NCOA4: variants seen among roughly 807,000 people sequenced by gnomAD.
NCOA4 encodes the protein nuclear receptor coactivator 4.
In NCOA4, 31 loss-of-function variants were observed where a neutral mutation model predicts 69.5. That is an observed-to-expected ratio of 0.45 (90% confidence interval 0.34 to 0.60). NCOA4 has a LOEUF of 0.60. Among genes scored for constraint, NCOA4 ranks in the 20% least tolerant of loss-of-function variants. The pLI, the probability that NCOA4 is intolerant of heterozygous loss-of-function variation, is 0.02. For synonymous variants in NCOA4, 228 were observed against 252.4 expected (o/e 0.90, Z 0.92); for missense variants, 600 against 719.2 (o/e 0.83, Z 1.90).
intron 1 of NCOA4, among the ~76,000 whole-genome samples, chr10:46,017,595 G>C (rs1839639784): frequency 6.6e-6 from 1 of 152,042 alleles, no homozygotes; most frequent in African/African-American, 2.4e-5. Context: ...GTTTTATATA[G>C]AGAGAATATA....
At chr10:46,012,098 A>AACG (rs1554921822) in intron 7 of NCOA4, among the ~76,000 whole-genome samples, 7 of 133,426 alleles carry the variant, frequency 5.2e-5, no homozygotes, top group African/African-American at 1.8e-4. Context: ...AAAAAAAAAA[A>AACG]AAAAACGAAA....
Position 46,010,365 on chromosome 10 carries a change from C to T in NCOA4, c.1556G>A (p.Gly519Asp). ...KEVPGTEDRA[G>D]KQKFKSPMNT... ...CATGGGGCTTTTAAACTTCTGTTTG[C>T]CAGCTCTGTCTTCAGTACCAGGCAC... The change falls in exon 8 of 10, where the codon GGC (glycine) becomes GAC (aspartate). Residue 519 changes from glycine (G) to aspartate (D), a missense_variant. Transcript: ENST00000581486. 6.2e-7 allele frequency: 1 copy of T among 1,614,120 alleles called. No individual in the cohort carries two copies. The highest frequency in any genetic ancestry group is 8.5e-7 in the Non-Finnish European group (1 of 1,180,026).
intron 7 of NCOA4, among the ~76,000 whole-genome samples, chr10:46,011,641 G>A (rs1333463015): frequency 2.6e-5 from 4 of 152,072 alleles, no homozygotes; most frequent in Non-Finnish European, 5.9e-5. Context: ...AAAGGCAAGG[G>A]ATTTCTCTAT....
chr10:46,011,032 C>T lies in NCOA4; in HGVS notation c.889G>A (p.Asp297Asn). 6.2e-7 allele frequency: 1 copy of T among 1,613,968 alleles called. No individual in the cohort carries two copies. Among genetic ancestry groups the T allele is most frequent in the South Asian group, 1.1e-5 (1 of 91,076 alleles). ...KVGDQELPDQ[D>N]EMDLSDWLVT... ...AGCCAATCTGATAGGTCCATCTCAT[C>T]TTGATCAGGAAGCTCTTGATCTCCA... The change falls in exon 8 of 10, where the codon GAT becomes AAT. Residue 297 changes from aspartate (D) to asparagine (N), a missense_variant. Physicochemically the swap from Asp to Asn is conservative, Grantham distance 23. Transcript: ENST00000581486.
At chr10:46,014,067 C>T (rs1467159247) in intron 5 of NCOA4, among the ~76,000 whole-genome samples, 1 of 151,992 alleles carries the variant, frequency 6.6e-6, no homozygotes, top group East Asian at 1.9e-4. Flanking sequence ...CTGTTTGTCG[C>T]CCAGGTTGGA....
intron 1 of NCOA4, among the ~76,000 whole-genome samples, chr10:46,018,548 A>G (rs1255756346): frequency 1.3e-5 from 2 of 152,232 alleles, no homozygotes; most frequent in Admixed American, 1.3e-4. Flanking sequence ...GACACTTAGA[A>G]AAGGGAGAGA....
At chr10:46,020,113 G>A (rs1839790100) in intron 1 of NCOA4, among the ~76,000 whole-genome samples, 2 of 152,230 alleles carry the variant, frequency 1.3e-5, no homozygotes, top group African/African-American at 4.8e-5. Context: ...GCCTAAGCCA[G>A]CTGTACGAAA....
At chr10:46,023,450 C>T in intron 1 of NCOA4, 1 of 985,700 alleles carries the variant, frequency 1.0e-6, no homozygotes, top group African/African-American at 1.7e-5. Flanking sequence ...CACACGGCAA[C>T]TCCAGTTCGC....
At chr10:46,016,734 A>G in intron 1 of NCOA4, 40 bp from the exon 2 acceptor site, 7 of 1,311,236 alleles carry the variant, frequency 5.3e-6, no homozygotes, top group African/African-American at 4.5e-5. Flanking sequence ...CACCATAATT[A>G]CAACCAAAAA....
chr10:46,027,299 G>GACTT (rs1206238484), intron 1 of NCOA4: 6 of 516,096 alleles, frequency 1.2e-5, no homozygotes, highest in Non-Finnish European at 1.6e-5. Flanking sequence ...GAATGATTAA[G>GACTT]ACTTAAGACT....
At chr10:46,019,600 C>T (rs1839756063) in intron 1 of NCOA4, 4 of 789,024 alleles carry the variant, frequency 5.1e-6, no homozygotes, top group Non-Finnish European at 6.1e-6. Flanking sequence ...GGGAGACAAA[C>T]TCAAATACAT....
At chr10:46,027,514 T>A (rs1564930414) in intron 1 of NCOA4, 1 of 1,540,332 alleles carries the variant, frequency 6.5e-7, no homozygotes. Context: ...GTTGAAGCAA[T>A]GTGTCCAGAC....
chr10:46,020,017 G>T (rs1839784789), intron 1 of NCOA4, among the ~76,000 whole-genome samples: 1 of 152,202 alleles, frequency 6.6e-6, no homozygotes, highest in Non-Finnish European at 1.5e-5. Flanking sequence ...CTATGCAAAG[G>T]CTTGCCCTCT....
Position 46,016,577 on chromosome 10 carries a change from A to G in NCOA4, c.104T>C (p.Leu35Pro). 1 of 1,558,810 alleles carries G rather than the reference A, an allele frequency of 6.4e-7. No individual in the cohort carries two copies. Among genetic ancestry groups the G allele is most frequent in the Non-Finnish European group, 8.7e-7 (1 of 1,145,982 alleles). Residue 35 changes from leucine (L) to proline (P), a missense_variant, in exon 2 of 10, where the codon CTC becomes CCC. Physicochemically the swap from Leu to Pro is moderately conservative, Grantham distance 98 (BLOSUM62 -3). Coordinates refer to ENST00000581486, the MANE Select transcript of NCOA4 (RefSeq NM_001145263.2). The part of the protein sequence containing the change: ...RDLELAIGGV[L>P]RAEQQIKDNL... ...ATCTTTAATTTGCTGTTCAGCCCGG[A>G]GAACTCCACCAATAGCAAGCTCCAA...
chr10:46,010,486 G>A lies in NCOA4; in HGVS notation c.1435C>T (p.Pro479Ser). The change falls in exon 8 of 10, where the codon CCT becomes TCT. Residue 479 changes from proline (P) to serine (S), a missense_variant. By Grantham distance (74) the Pro-to-Ser change is moderately conservative. Coordinates refer to ENST00000581486, the MANE Select transcript of NCOA4 (RefSeq NM_001145263.2). The part of the protein sequence containing the change: ...EQTKAPKAMT[P>S]SRIADSFQVI... ...TGGAAGGAATCAGCAATTCTAGAAG[G>A]AGTCATTGCCTTTGGTGCTTTAGTT... The A allele has an allele frequency of 1.2e-6, 2 of 1,614,210 alleles. No individual in the cohort carries two copies. Among genetic ancestry groups the A allele is most frequent in the Non-Finnish European group, 1.7e-6 (2 of 1,180,042 alleles).
intron 4 of NCOA4, 93 bp from the exon 5 acceptor site, chr10:46,014,645 A>G (rs565081710): frequency 1.1e-6 from 1 of 935,044 alleles, no homozygotes; most frequent in East Asian, 2.5e-5. Flanking sequence ...GTAATTTTAA[A>G]TGATTACACT....
At chr10:46,016,849 A>T (rs148148096) in intron 1 of NCOA4, among the ~76,000 whole-genome samples, 155 bp from the exon 2 acceptor site, 1 of 152,336 alleles carries the variant, frequency 6.6e-6, no homozygotes, top group Non-Finnish European at 1.5e-5. Context: ...ACTCTTAATA[A>T]ATATTGTCTC....
intron 1 of NCOA4, chr10:46,019,195 A>C: frequency 2.7e-6 from 1 of 372,504 alleles, no homozygotes; most frequent in Non-Finnish European, 3.7e-6. Flanking sequence ...CCCTGTGGAA[A>C]TTTTTCTAAC....
intron 1 of NCOA4, among the ~76,000 whole-genome samples, chr10:46,028,838 T>TTC (rs1435094933): frequency 3.9e-5 from 6 of 151,950 alleles, no homozygotes; most frequent in Non-Finnish European, 5.9e-5. Flanking sequence ...TTCTTTGAAA[T>TTC]AAGAGACTGA....
Sources: allele counts gnomAD v4.1 joint callset (sites outside exome capture counted in the v4.1 genomes callset), GRCh38; gene constraint gnomAD v4.1.1; transcripts MANE v1.5; gene names NCBI Gene and HGNC (gene_info 2026-07-23, HGNC 2026-07-21).